Variants in PLPPR5 observed in about 807,000 individuals in gnomAD.
The protein encoded by PLPPR5 is phospholipid phosphatase related 5, also known as phospholipid phosphatase-related protein type 5.
In PLPPR5, 16 loss-of-function variants were observed where a neutral mutation model predicts 33.9. The ratio of observed to expected loss-of-function variants is 0.47; its 90% CI spans 0.32 to 0.72. PLPPR5 has a LOEUF of 0.72. Ranked by LOEUF, PLPPR5 falls within the 30% of genes least tolerant of loss-of-function variation. The probability of loss-of-function intolerance (pLI) is 0.03; values close to 1 mark genes in which losing one functional copy is unlikely to be tolerated. For synonymous variants in PLPPR5, 163 were observed against 150.3 expected (o/e 1.08, Z -0.62); for missense variants, 301 against 406.7 (o/e 0.74, Z 2.23).
chr1:98,961,612 T>A (rs1435344168), intron 1 of PLPPR5, among the ~76,000 whole-genome samples: 2 of 152,220 alleles, frequency 1.3e-5, no homozygotes, highest in African/African-American at 2.4e-5. Flanking sequence ...TAATTGATAT[T>A]CATATCTATT....
chr1:98,931,240 C>T (rs12123525), intron 3 of PLPPR5, among the ~76,000 whole-genome samples: 2,066 of 152,176 alleles, frequency 0.014, 20 homozygotes, highest in Non-Finnish European at 0.022. Context: ...ATCCTTTTCT[C>T]TTTGTAACCT....
At chr1:98,958,050 A>G (rs750139501) in intron 1 of PLPPR5, among the ~76,000 whole-genome samples, 3 of 152,246 alleles carry the variant, frequency 2.0e-5, no homozygotes, top group Non-Finnish European at 2.9e-5. Flanking sequence ...AGCCAAGAAG[A>G]AATTTCTCTC....
At chr1:98,937,436 C>T (rs1650210211) in intron 3 of PLPPR5, among the ~76,000 whole-genome samples, 1 of 152,318 alleles carries the variant, frequency 6.6e-6, no homozygotes, top group South Asian at 2.1e-4. Flanking sequence ...GTAGATGTGA[C>T]ACTATGAGCT....
chr1:98,981,620 T>G (rs1475460367), intron 1 of PLPPR5, among the ~76,000 whole-genome samples: 1 of 152,102 alleles, frequency 6.6e-6, no homozygotes, highest in Non-Finnish European at 1.5e-5. Context: ...TCTCTGACTA[T>G]CTAGAACCCA....
intron 3 of PLPPR5, among the ~76,000 whole-genome samples, chr1:98,924,084 T>A (rs1283332716): frequency 6.6e-6 from 1 of 152,218 alleles, no homozygotes; most frequent in African/African-American, 2.4e-5. Flanking sequence ...ACAAAATAAA[T>A]GTGGGATGAT....
chr1:98,989,969 T>C (rs1373849091), intron 1 of PLPPR5, among the ~76,000 whole-genome samples: 3 of 152,174 alleles, frequency 2.0e-5, no homozygotes, highest in Non-Finnish European at 4.4e-5. Context: ...TGTTGTAATT[T>C]TTTGACAGTG....
chr1:98,995,478 G>GA (rs1652600990), intron 1 of PLPPR5, among the ~76,000 whole-genome samples: 1 of 152,094 alleles, frequency 6.6e-6, no homozygotes, highest in Non-Finnish European at 1.5e-5. Context: ...TTTAAAAAGA[G>GA]ACTTTCAAGC....
intron 3 of PLPPR5, among the ~76,000 whole-genome samples, chr1:98,927,411 C>T (rs1285925175): frequency 6.6e-6 from 1 of 152,168 alleles, no homozygotes; most frequent in Non-Finnish European, 1.5e-5. Context: ...TCATTGGTGC[C>T]CTACTGACAA....
intron 1 of PLPPR5, among the ~76,000 whole-genome samples, chr1:98,961,903 C>A (rs1651262405): frequency 6.6e-6 from 1 of 152,192 alleles, no homozygotes; most frequent in African/African-American, 2.4e-5. Context: ...CCCTGCTCCA[C>A]TAAGGAATCC....
intron 2 of PLPPR5, among the ~76,000 whole-genome samples, chr1:98,955,454 G>A (rs1210614779): frequency 6.6e-6 from 1 of 151,918 alleles, no homozygotes; most frequent in African/African-American, 2.4e-5. Context: ...TATACAAAAA[G>A]AAATTAGTCA....
At chr1:99,001,471 T>A (rs779422018) in intron 1 of PLPPR5, among the ~76,000 whole-genome samples, 37 of 151,876 alleles carry the variant, frequency 2.4e-4, no homozygotes, top group Non-Finnish European at 4.1e-4. Flanking sequence ...GTGCTTTGGA[T>A]TTAAATCCAA....
chr1:98,973,128 G>A (rs1651714690), intron 1 of PLPPR5, among the ~76,000 whole-genome samples: 1 of 152,028 alleles, frequency 6.6e-6, no homozygotes. Flanking sequence ...TGCTTGTTAT[G>A]TGACAGAATA....
chr1:98,935,590 T>C (rs1216676977), intron 3 of PLPPR5, among the ~76,000 whole-genome samples: 1 of 152,220 alleles, frequency 6.6e-6, no homozygotes, highest in Non-Finnish European at 1.5e-5. Context: ...CAAACGTCCC[T>C]ATGATTCTAT....
intron 1 of PLPPR5, among the ~76,000 whole-genome samples, chr1:98,990,426 T>C (rs1349045196): frequency 6.6e-6 from 1 of 152,028 alleles, no homozygotes; most frequent in Non-Finnish European, 1.5e-5. Context: ...TACCATACTA[T>C]ATAAATGCTT....
At chr1:98,960,235 A>C (rs1199618304) in intron 1 of PLPPR5, among the ~76,000 whole-genome samples, 1 of 151,762 alleles carries the variant, frequency 6.6e-6, no homozygotes, top group Non-Finnish European at 1.5e-5. Context: ...ATGAAGTCTC[A>C]CTCTGTCACC....
Position 98,890,797 on chromosome 1 carries a change from C to T in PLPPR5, c.*2275G>A, listed in dbSNP as rs1053007841. 1.3e-5 allele frequency: 2 copies of T among 152,512 alleles called. No homozygotes were observed. The highest frequency in any genetic ancestry group is 2.4e-5 in the African/African-American group (1 of 41,420). 9.4% of individuals were successfully genotyped at this position (152,512 alleles called of 1,614,324 possible). On this transcript the variant is annotated 3_prime_UTR_variant, in exon 6 of 6. Coordinates refer to ENST00000263177, the MANE Select transcript of PLPPR5 (RefSeq NM_001037317.2). Reference sequence around the variant, plus strand: ...CTTCATGACAGCATCACTCACTGTACAATCTTGAGCCTATGATGTGTAAAT... The same window carrying T: ...CTTCATGACAGCATCACTCACTGTATAATCTTGAGCCTATGATGTGTAAAT...
chr1:98,930,547 T>C (rs1209369751), intron 3 of PLPPR5, among the ~76,000 whole-genome samples: 1 of 152,090 alleles, frequency 6.6e-6, no homozygotes, highest in Non-Finnish European at 1.5e-5. Context: ...AGACTCATCA[T>C]ACCTTAGAAA....
intron 1 of PLPPR5, among the ~76,000 whole-genome samples, chr1:98,990,148 T>C (rs1652400914): frequency 6.6e-6 from 1 of 151,976 alleles, no homozygotes; most frequent in Admixed American, 6.6e-5. Context: ...GTGGGTGGAT[T>C]ACCTGAGATC....
intron 1 of PLPPR5, among the ~76,000 whole-genome samples, chr1:99,001,213 C>T (rs142486441): frequency 1.3e-5 from 2 of 150,578 alleles, no homozygotes; most frequent in African/African-American, 4.9e-5. Flanking sequence ...CTGCTCACTG[C>T]AAGCTCCACC....
Sources: gnomAD v4.1 joint callset for allele counts (sites outside exome capture counted in the v4.1 genomes callset) on GRCh38, gnomAD v4.1.1 for gene constraint, MANE v1.5 for transcripts, NCBI Gene and HGNC (gene_info 2026-07-23, HGNC 2026-07-21) for gene names.